Variants in RABGAP1L observed in about 807,000 individuals in gnomAD.
RABGAP1L encodes the protein rab GTPase-activating protein 1-like.
RABGAP1L carries 63 observed loss-of-function variants against 137.7 expected under a neutral mutation model. The ratio of observed to expected loss-of-function variants is 0.46; its 90% CI spans 0.37 to 0.56. The LOEUF is 0.56. Ranked by LOEUF, RABGAP1L falls within the 20% of genes least tolerant of loss-of-function variation. RABGAP1L has a pLI of 0.00. For synonymous variants in RABGAP1L, 431 were observed against 433.7 expected (o/e 0.99, Z 0.08); for missense variants, 1,095 against 1,244.0 (o/e 0.88, Z 1.80).
chr1:174,640,268 GT>G (rs1674423412), intron 14 of RABGAP1L, among the ~76,000 whole-genome samples: 1 of 152,042 alleles, frequency 6.6e-6, no homozygotes, highest in Non-Finnish European at 1.5e-5. Flanking sequence ...GAAACCTTAA[GT>G]TTGATGATAG....
intron 13 of RABGAP1L, among the ~76,000 whole-genome samples, chr1:174,611,911 C>T (rs1407601636): frequency 6.6e-6 from 1 of 152,132 alleles, no homozygotes; most frequent in Non-Finnish European, 1.5e-5. Context: ...GATTTTGTTT[C>T]CTGAGACTTT....
At chr1:174,633,630 A>G (rs1295217980) in intron 13 of RABGAP1L, among the ~76,000 whole-genome samples, 1 of 116,136 alleles carries the variant, frequency 8.6e-6, no homozygotes, top group Admixed American at 7.9e-5. Flanking sequence ...CTGACTTCAA[A>G]CTATACTACA....
intron 17 of RABGAP1L, among the ~76,000 whole-genome samples, chr1:174,706,565 A>T (rs1460044462): frequency 6.6e-6 from 1 of 152,182 alleles, no homozygotes; most frequent in African/African-American, 2.4e-5. Flanking sequence ...CTTTAAAATA[A>T]CTTTTTATTG....
At chr1:174,688,884 A>G (rs1490886871) in intron 15 of RABGAP1L, among the ~76,000 whole-genome samples, 1 of 152,150 alleles carries the variant, frequency 6.6e-6, no homozygotes, top group Non-Finnish European at 1.5e-5. Flanking sequence ...AATAACAAGC[A>G]AAACTAAATT....
intron 1 of RABGAP1L, among the ~76,000 whole-genome samples, chr1:174,205,199 T>G (rs1042050271): frequency 6.6e-6 from 1 of 152,204 alleles, no homozygotes; most frequent in African/African-American, 2.4e-5. Flanking sequence ...CGGATTCGGT[T>G]TTCAAGTATT....
intron 1 of RABGAP1L, among the ~76,000 whole-genome samples, chr1:174,200,230 T>A (rs1030605728): frequency 2.0e-5 from 3 of 152,220 alleles, no homozygotes; most frequent in African/African-American, 7.2e-5. Flanking sequence ...TACAAAAGGA[T>A]CTATATGAGT....
chr1:174,339,986 C>CT (rs1438310211), intron 11 of RABGAP1L, among the ~76,000 whole-genome samples: 1 of 151,922 alleles, frequency 6.6e-6, no homozygotes, highest in African/African-American at 2.4e-5. Context: ...GTATTGTATG[C>CT]TTTTAGAAAA....
chr1:174,172,335 G>A (rs1416473946), intron 1 of RABGAP1L, among the ~76,000 whole-genome samples: 1 of 152,040 alleles, frequency 6.6e-6, no homozygotes, highest in African/African-American at 2.4e-5. Context: ...ATCTCTATGA[G>A]GTGCTGATTT....
At chr1:174,707,058 T>C (rs1680101805) in intron 17 of RABGAP1L, among the ~76,000 whole-genome samples, 1 of 152,214 alleles carries the variant, frequency 6.6e-6, no homozygotes, top group Non-Finnish European at 1.5e-5. Context: ...TATGCACTTC[T>C]GTGAGTACAC....
chr1:174,388,181 A>G (rs1686958137), intron 12 of RABGAP1L, among the ~76,000 whole-genome samples: 1 of 152,094 alleles, frequency 6.6e-6, no homozygotes. Flanking sequence ...GATACAGTAT[A>G]TATGCTCAGT....
At chr1:174,730,380 G>C (rs1161915022) in intron 17 of RABGAP1L, among the ~76,000 whole-genome samples, 1 of 152,100 alleles carries the variant, frequency 6.6e-6, no homozygotes, top group Non-Finnish European at 1.5e-5. Context: ...TCAGTACCTG[G>C]GTGATGGGAT....
intron 1 of RABGAP1L, among the ~76,000 whole-genome samples, chr1:174,180,696 G>C (rs1296992318): frequency 7.9e-5 from 12 of 152,010 alleles, no homozygotes; most frequent in Admixed American, 7.9e-4. Flanking sequence ...CGAACTCCTG[G>C]GCTTCAGTTA....
intron 4 of RABGAP1L, chr1:174,238,849 G>A (rs182720791): frequency 0.2 from 30,255 of 153,910 alleles, 3,409 homozygotes; most frequent in Admixed American, 0.24. Context: ...GGGCAATGGC[G>A]GGCGCCCCTC....
chr1:174,489,164 CA>C (rs1558277181), intron 13 of RABGAP1L, among the ~76,000 whole-genome samples: 1 of 151,814 alleles, frequency 6.6e-6, no homozygotes, highest in Non-Finnish European at 1.5e-5. Flanking sequence ...CAACAAAAGC[CA>C]AAATAGACAA....
intron 19 of RABGAP1L, among the ~76,000 whole-genome samples, chr1:174,904,777 G>A (rs1658756471): frequency 1.3e-5 from 2 of 151,984 alleles, no homozygotes; most frequent in Admixed American, 6.6e-5. Context: ...AGCCTCCTGA[G>A]TATTGGGACT....
intron 13 of RABGAP1L, among the ~76,000 whole-genome samples, chr1:174,636,284 C>T (rs758111974): frequency 7.6e-4 from 116 of 152,054 alleles, no homozygotes; most frequent in Admixed American, 1.2e-3. Flanking sequence ...TTTGGGAGGT[C>T]GAAGTGGGTG....
intron 13 of RABGAP1L, among the ~76,000 whole-genome samples, chr1:174,477,819 C>T (rs185967528): frequency 6.6e-6 from 1 of 152,054 alleles, no homozygotes; most frequent in African/African-American, 2.4e-5. Flanking sequence ...TTAAGAAGAT[C>T]TCCAGTAAGT....
Position 174,322,519 on chromosome 1 carries a change from C to T in RABGAP1L, c.1465+17392C>T, listed in dbSNP as rs1680085673. 3.3e-5 allele frequency among the ~76,000 whole-genome samples: 5 copies of T among 152,096 alleles called. No individual in the cohort carries two copies. The South Asian group carries it at 1.0e-3, about 31-fold the overall frequency. On this transcript the variant is annotated intron_variant, in intron 11 of 25. Transcript: ENST00000681986. ...CATCAGTTTCTCTTCACATAAGTTT[C>T]TTTAGAGAGGCTGCTTGGTTGTCCT...
chr1:174,690,985 C>G (rs1286749005), intron 15 of RABGAP1L, among the ~76,000 whole-genome samples: 1 of 151,964 alleles, frequency 6.6e-6, no homozygotes, highest in African/African-American at 2.4e-5. Flanking sequence ...GCACATGCCA[C>G]CATGCCTGGC....
Sources: allele counts gnomAD v4.1 joint callset (sites outside exome capture counted in the v4.1 genomes callset), GRCh38; gene constraint gnomAD v4.1.1; transcripts MANE v1.5; gene names NCBI Gene and HGNC (gene_info 2026-07-23, HGNC 2026-07-21).